The following SLC24A2 variants were observed in gnomAD, a reference collection of about 807,000 sequenced individuals.
SLC24A2 encodes the protein sodium/potassium/calcium exchanger 2.
Under a neutral mutation model 62.0 loss-of-function variants are expected in SLC24A2, and 36 were observed. That is an observed-to-expected ratio of 0.58 (90% CI 0.44 to 0.77). SLC24A2 has a LOEUF of 0.77. Ranked by LOEUF, SLC24A2 falls within the 30% of genes least tolerant of loss-of-function variation. The probability of loss-of-function intolerance (pLI) is 0.00; values close to 1 mark genes in which losing one functional copy is unlikely to be tolerated. For synonymous variants in SLC24A2, 358 were observed against 294.0 expected, an observed-to-expected ratio of 1.22 and a Z score of -2.23; for missense variants, 846 against 817.9, an observed-to-expected ratio of 1.03 and a Z score of -0.42.
chr9:19,621,712 G>C (rs984826561), intron 3 of SLC24A2, among the ~76,000 whole-genome samples: 1 of 152,066 alleles, frequency 6.6e-6, no homozygotes, highest in Non-Finnish European at 1.5e-5. Context: ...AACTATTATG[G>C]TCCTTATTCT....
intron 7 of SLC24A2, among the ~76,000 whole-genome samples, chr9:19,565,136 T>C (rs907181900): frequency 2.6e-5 from 4 of 152,072 alleles, no homozygotes; most frequent in Non-Finnish European, 4.4e-5. Context: ...GAGAAAGAAA[T>C]AAAGGTATTC....
At chr9:20,179,137 G>T in the SLC24A2 span, among the ~76,000 whole-genome samples, 2 of 152,082 alleles carry the variant, frequency 1.3e-5, no homozygotes, top group East Asian at 1.9e-4. Context: ...CTGAAGGTTG[G>T]GGGCAGCTGG....
At chr9:19,844,264 G>A in the SLC24A2 span, among the ~76,000 whole-genome samples, 1 of 152,118 alleles carries the variant, frequency 6.6e-6, no homozygotes, top group Non-Finnish European at 1.5e-5. Context: ...TTTCTCTAGT[G>A]ATCAATGACG....
chr9:19,745,774 C>A (rs1821814840), intron 2 of SLC24A2, among the ~76,000 whole-genome samples: 1 of 152,094 alleles, frequency 6.6e-6, no homozygotes, highest in Non-Finnish European at 1.5e-5. Context: ...TAAATAAGAA[C>A]TTTACACAAT....
In SLC24A2 at chr9:19,739,397, T is replaced by C. The variant is rs200040268; in HGVS notation, c.930+46540A>G. 1.2e-4 allele frequency among the ~76,000 whole-genome samples: 19 copies of C among 152,284 alleles called. No individual in the cohort carries two copies. In the East Asian group the frequency reaches 3.3e-3, roughly 26 times the overall value. On this transcript the variant is annotated intron_variant, in intron 2 of 10. Coordinates refer to ENST00000341998, the MANE Select transcript of SLC24A2 (RefSeq NM_020344.4). Reference sequence around the variant, plus strand: ...AGGCCAAAAAGAATCAAGAAAGTTCTGAAGAAGAACAGAACTCAGTAATGT... The same window carrying C: ...AGGCCAAAAAGAATCAAGAAAGTTCCGAAGAAGAACAGAACTCAGTAATGT...
the SLC24A2 span, among the ~76,000 whole-genome samples, chr9:20,082,149 A>C: frequency 6.6e-6 from 1 of 152,156 alleles, no homozygotes; most frequent in Non-Finnish European, 1.5e-5. Flanking sequence ...CTCAGATTTT[A>C]TTTGGTGATT....
the SLC24A2 span, among the ~76,000 whole-genome samples, chr9:20,154,478 G>A: frequency 1.3e-5 from 2 of 151,674 alleles, no homozygotes; most frequent in South Asian, 2.1e-4. Context: ...GAAATGCAGC[G>A]GAGATGGGAT....
At chr9:19,969,078 A>G in the SLC24A2 span, among the ~76,000 whole-genome samples, 1 of 151,948 alleles carries the variant, frequency 6.6e-6, no homozygotes. Context: ...AATTAAGAAC[A>G]GCTTTCTTTC....
the SLC24A2 span, among the ~76,000 whole-genome samples, chr9:19,825,131 C>G: frequency 6.6e-6 from 1 of 152,114 alleles, no homozygotes; most frequent in Non-Finnish European, 1.5e-5. Context: ...CACATGTATA[C>G]CTATGTAACA....
At chr9:20,012,473 AC>A in the SLC24A2 span, among the ~76,000 whole-genome samples, 3 of 152,240 alleles carry the variant, frequency 2.0e-5, no homozygotes, top group African/African-American at 7.2e-5. Flanking sequence ...GGGTGGGGAC[AC>A]AGTCAAAACA....
intron 8 of SLC24A2, among the ~76,000 whole-genome samples, chr9:19,547,422 G>A (rs576992109): frequency 2.5e-4 from 38 of 152,308 alleles, no homozygotes; most frequent in Non-Finnish European, 3.5e-4. Flanking sequence ...ATCAGCCAGA[G>A]CAGTTGTCAT....
At chr9:20,033,453 T>A in the SLC24A2 span, among the ~76,000 whole-genome samples, 1 of 146,090 alleles carries the variant, frequency 6.8e-6, no homozygotes, top group African/African-American at 2.4e-5. Context: ...AATACTGGTC[T>A]TAAGAAATGT....
the SLC24A2 span, among the ~76,000 whole-genome samples, chr9:20,250,695 T>C: frequency 2.0e-5 from 3 of 152,194 alleles, no homozygotes; most frequent in African/African-American, 4.8e-5. Flanking sequence ...CGTTTTACTA[T>C]GTTGAAGTGA....
the SLC24A2 span, among the ~76,000 whole-genome samples, chr9:20,116,646 T>C: frequency 4.6e-5 from 7 of 152,180 alleles, no homozygotes; most frequent in Admixed American, 3.9e-4. Context: ...ATGTCTAGGA[T>C]GTATTAATAT....
At chr9:20,242,562 G>T in the SLC24A2 span, among the ~76,000 whole-genome samples, 1 of 152,308 alleles carries the variant, frequency 6.6e-6, no homozygotes, top group South Asian at 2.1e-4. Flanking sequence ...GGCTGTGAGT[G>T]CAGGGAAGGG....
At chr9:19,919,042 A>T in the SLC24A2 span, among the ~76,000 whole-genome samples, 3 of 152,368 alleles carry the variant, frequency 2.0e-5, no homozygotes, top group African/African-American at 4.8e-5. Flanking sequence ...GAGTTTTGAT[A>T]TCACACTGAA....
At chr9:20,104,260 G>C in the SLC24A2 span, among the ~76,000 whole-genome samples, 28 of 152,216 alleles carry the variant, frequency 1.8e-4, no homozygotes, top group Non-Finnish European at 3.4e-4. Context: ...ATGGAACCAA[G>C]TTGGAAAACA....
the SLC24A2 span, among the ~76,000 whole-genome samples, chr9:20,296,152 A>T: frequency 1.6e-3 from 249 of 152,374 alleles, no homozygotes; most frequent in East Asian, 8.9e-3. Context: ...ATAGCCAAGC[A>T]ATATCCAGAC....
chr9:19,728,157 C>G (rs564473861), intron 2 of SLC24A2, among the ~76,000 whole-genome samples: 2 of 152,300 alleles, frequency 1.3e-5, no homozygotes, highest in Admixed American at 1.3e-4. Context: ...TTACCCAAGG[C>G]TGTGCCCTTT....
Sources: gnomAD v4.1 joint callset for allele counts (sites outside exome capture counted in the v4.1 genomes callset) on GRCh38, gnomAD v4.1.1 for gene constraint, MANE v1.5 for transcripts, NCBI Gene and HGNC (gene_info 2026-07-23, HGNC 2026-07-21) for gene names.